The following PNMA8B variants were observed in gnomAD, a reference collection of about 807,000 sequenced individuals.
PNMA8B encodes the protein PNMA family member 8B.
For synonymous variants in PNMA8B, 386 were observed against 394.9 expected, an observed-to-expected ratio of 0.98 and a Z score of 0.27; for missense variants, 887 against 885.8, an observed-to-expected ratio of 1.00 and a Z score of -0.02.
chr19:46,494,255 T>A lies in PNMA8B; in HGVS notation c.1211A>T (p.Lys404Met). 1 of 1,609,818 alleles carries A rather than the reference T, an allele frequency of 6.2e-7. No homozygotes were observed. The highest frequency in any genetic ancestry group is 8.5e-7 in the Non-Finnish European group (1 of 1,179,592). ...GREVDAVVLRKAGDDGDLREC... is the reference protein window; with the variant it reads ...GREVDAVVLRMAGDDGDLREC... ...CCGGAGGTCCCCGTCATCCCCGGCC[T>A]TGCGCAGGACCACGGCGTCCACCTC... is the stretch of plus-strand genomic sequence containing the variant. The change falls in exon 1 of 1, where the codon AAG becomes ATG. Residue 404 changes from lysine (K) to methionine (M), a missense_variant. Lys to Met is a moderately conservative substitution (Grantham distance 95). Transcript: ENST00000599531.
At position 46,494,239 on chromosome 19, in the gene PNMA8B, C is replaced by T. The variant is rs540628798; in HGVS notation, c.1227G>A (p.Gly409=). 9.9e-5 allele frequency: 159 copies of T among 1,609,306 alleles called. 1 individual carries two copies. Among genetic ancestry groups the T allele is most frequent in the Admixed American group, 3.8e-4 (23 of 59,894 alleles). ...AGGTGGAAATGCACTCCCGGAGGTC[C>T]CCGTCATCCCCGGCCTTGCGCAGGA... is the stretch of plus-strand genomic sequence containing the variant. ...AVVLRKAGDD[G]DLRECISTLA... is the part of the protein sequence containing the mutation. Residue 409 remains glycine, a synonymous_variant, in exon 1 of 1, where the codon GGG becomes GGA. Transcript: ENST00000599531.
rs752053547 is a variant in PNMA8B at position 46,495,123 on chromosome 19, G to A, written c.343C>T (p.Pro115Ser). 6.2e-7 allele frequency: 1 copy of A among 1,613,724 alleles called. No homozygotes were observed. Among genetic ancestry groups the A allele is most frequent in the East Asian group, 2.2e-5 (1 of 44,866 alleles). Reference sequence around the variant, plus strand: ...GTCCCAGCCTCCGCGGCCTGCGTGGGCCCGTCATCCAGCAGCAGGCGTCTC... The same window carrying A: ...GTCCCAGCCTCCGCGGCCTGCGTGGACCCGTCATCCAGCAGCAGGCGTCTC... ...QMRRLLLDDG[P>S]TQAAEAGTPG... Residue 115 changes from proline (P) to serine (S), a missense_variant, in exon 1 of 1, where the codon CCC becomes TCC. Physicochemically the swap from Pro to Ser is moderately conservative, Grantham distance 74. Transcript: ENST00000599531.
At position 46,494,524 on chromosome 19, in the gene PNMA8B, G is replaced by A; in HGVS notation, c.942C>T (p.Ser314=). The change falls in exon 1 of 1, where the codon AGC becomes AGT. Residue 314 remains serine, a synonymous_variant. Transcript: ENST00000599531. ...EEPVDSDTSE[S]DSQESGDQET... ...CTTGGTCCCCACTTTCCTGCGAGTC[G>A]CTCTCCGAAGTGTCGCTGTCCACCG... 6.2e-7 allele frequency: 1 copy of A among 1,614,050 alleles called. No homozygotes were observed. Among genetic ancestry groups the A allele is most frequent in the Middle Eastern group, 1.6e-4 (1 of 6,062 alleles).
chr19:46,494,898 C>A lies in PNMA8B; in HGVS notation c.568G>T (p.Ala190Ser), dbSNP rs770895935. 2.1e-5 allele frequency: 34 copies of A among 1,611,898 alleles called. No homozygotes were observed. The highest frequency in any genetic ancestry group is 3.3e-5 in the South Asian group (3 of 91,092). Residue 190 changes from alanine (A) to serine (S), a missense_variant, in exon 1 of 1, where the codon GCG becomes TCG. Ala to Ser is a moderately conservative substitution (Grantham distance 99). Coordinates refer to ENST00000599531, the MANE Select transcript of PNMA8B (RefSeq NM_020709.3). ...RSRGGRPSAP[A>S]RSEAEDSSDE... ...GAAGAGTCCTCGGCCTCACTCCTCGCGGGAGCAGACGGCCGTCCTCCTCGG... is the reference window on the plus strand; with the variant it reads ...GAAGAGTCCTCGGCCTCACTCCTCGAGGGAGCAGACGGCCGTCCTCCTCGG...
At position 46,492,770 on chromosome 19, in the gene PNMA8B, A is replaced by G. The variant is rs1184744281; in HGVS notation, c.*788T>C. 6.6e-6 allele frequency: 1 copy of G among 152,480 alleles called. No individual in the cohort carries two copies. Among genetic ancestry groups the G allele is most frequent in the Admixed American group, 6.5e-5 (1 of 15,292 alleles). The allele number at this position is 152,480 out of a possible 1,614,324, so 9.4% of individuals were successfully genotyped here. ...ATTACCCCAAATTGAACACCTCTGC[A>G]AATAATTAGAATGTTGGGAAACACT... On this transcript the variant is annotated 3_prime_UTR_variant, in exon 1 of 1. Coordinates refer to ENST00000599531, the MANE Select transcript of PNMA8B (RefSeq NM_020709.3).
At position 46,491,874 on chromosome 19, in the gene PNMA8B, C is replaced by A. The variant is rs1485749661; in HGVS notation, c.*1684G>T. On this transcript the variant is annotated 3_prime_UTR_variant, in exon 1 of 1. Coordinates refer to ENST00000599531, the MANE Select transcript of PNMA8B (RefSeq NM_020709.3). ...GCTGAATTTCACTTTACTGGAGGAT[C>A]CAGGTGACACAGGGCACAGGGAGAG... 5.9e-6 allele frequency: 1 copy of A among 168,360 alleles called. No homozygotes were observed. Among genetic ancestry groups the A allele is most frequent in the African/African-American group, 2.4e-5 (1 of 41,790 alleles). The allele number at this position is 168,360 out of a possible 1,614,324, so 10.4% of individuals were successfully genotyped here.
At position 46,493,133 on chromosome 19, in the gene PNMA8B, G is replaced by A. The variant is rs1601502609; in HGVS notation, c.*425C>T. ...CCACCACAGACCCAGGGCCCAGTCA[G>A]ACTGGGGTAGGGGCGACAGCGGCCT... On this transcript the variant is annotated 3_prime_UTR_variant, in exon 1 of 1. Coordinates refer to ENST00000599531, the MANE Select transcript of PNMA8B (RefSeq NM_020709.3). This position sits in a 1 kb window ranked among gnomAD's most constrained non-coding sequence, Gnocchi z 5.3. 5 of 163,544 alleles carry A rather than the reference G, an allele frequency of 3.1e-5. No homozygotes were observed. The South Asian group carries it at 1.0e-3, about 33-fold the overall frequency. The allele number at this position is 163,544 out of a possible 1,614,324, so 10.1% of individuals were successfully genotyped here. A position where few individuals can be genotyped will look rare whatever the true frequency, so the allele number is the denominator to read the frequency against.
chr19:46,491,237 A>G lies in PNMA8B; in HGVS notation c.*2321T>C, dbSNP rs1430906413. On this transcript the variant is annotated 3_prime_UTR_variant, in exon 1 of 1. Transcript: ENST00000599531. ...TTAATCTTAATTACATTTAAATCCA[A>G]TTTACCCCGTGTGATTACCTAGTTG... The G allele has an allele frequency of 6.6e-6, 1 of 152,220 alleles. No homozygotes were observed. The highest frequency in any genetic ancestry group is 1.9e-4 in the East Asian group (1 of 5,202). The allele number at this position is 152,220 out of a possible 1,614,324, so 9.4% of individuals were successfully genotyped here.
Position 46,493,642 on chromosome 19 carries a change from G to GT in PNMA8B, c.1823_1824insA (p.Lys609GlnfsTer25). The stretch of plus-strand genomic sequence containing the variant: ...TGGATCCAGTGGGCGCCTGGCCCTT[G>GT]GCCTCGCCTGCCCTGGCATGGGCCC... On this transcript the variant is annotated frameshift_variant, in exon 1 of 1. Coordinates refer to ENST00000599531, the MANE Select transcript of PNMA8B (RefSeq NM_020709.3). LOFTEE classifies it low-confidence loss of function (END_TRUNC). This position sits in a 1 kb window ranked among gnomAD's most constrained non-coding sequence, Gnocchi z 5.3. The GT allele has an allele frequency of 6.5e-7, 1 of 1,534,650 alleles. No individual in the cohort carries two copies. Among genetic ancestry groups the GT allele is most frequent in the Non-Finnish European group, 8.7e-7 (1 of 1,150,518 alleles).
At position 46,492,183 on chromosome 19, in the gene PNMA8B, GC is replaced by G; in HGVS notation, c.*1374del. 1.2e-5 allele frequency: 5 copies of G among 422,814 alleles called. No individual in the cohort carries two copies. Among genetic ancestry groups the G allele is most frequent in the Non-Finnish European group, 2.4e-5 (5 of 207,934 alleles). The allele number at this position is 422,814 out of a possible 1,614,324, so 26.2% of individuals were successfully genotyped here. A position where few individuals can be genotyped will look rare whatever the true frequency, so the allele number is the denominator to read the frequency against. ...CCTTCCCAGGGACAAGTGGGGCAGG[GC>G]CCCCTGGCACGATGGGCTCCTCACT... On this transcript the variant is annotated 3_prime_UTR_variant, in exon 1 of 1. Coordinates refer to ENST00000599531, the MANE Select transcript of PNMA8B (RefSeq NM_020709.3).
In PNMA8B at chr19:46,493,794, G is replaced by T. The variant is rs1324930795; in HGVS notation, c.1672C>A (p.Arg558Ser). The T allele has an allele frequency of 2.2e-6, 3 of 1,364,356 alleles. No homozygotes were observed. Among genetic ancestry groups the T allele is most frequent in the East Asian group, 3.0e-5 (1 of 33,710 alleles). The allele number at this position is 1,364,356 out of a possible 1,614,324, so 84.5% of individuals were successfully genotyped here. Residue 558 changes from arginine to serine, a missense_variant, in exon 1 of 1, where the codon CGC becomes AGC. Coordinates refer to ENST00000599531, the MANE Select transcript of PNMA8B (RefSeq NM_020709.3). This position sits in a 1 kb window ranked among gnomAD's most constrained non-coding sequence, Gnocchi z 5.3. ...CCTCGGCCGCCCGCGCGGGTTTTGC[G>T]GGCCCCGGAAGCGGTGGGAGGCGCG... ...AGAPPTASGA[R>S]KTRAGGRGRG... is the part of the protein sequence containing the mutation.
rs377156204 is a variant in PNMA8B, at chr19:46,494,080, C to T, written c.1386G>A (p.Glu462=). Residue 462 remains glutamate (E), a synonymous_variant, in exon 1 of 1, where the codon GAG becomes GAA. Transcript: ENST00000599531. ...VALLAAQDMA[E]VMKEEKENAW... is the part of the protein sequence containing the mutation. ...CGTTTTCTTTTTCCTCCTTCATCACCTCCGCCATGTCCTGGGCAGCCAGGA... is the reference window on the plus strand; with the variant it reads ...CGTTTTCTTTTTCCTCCTTCATCACTTCCGCCATGTCCTGGGCAGCCAGGA... 179 of 1,613,232 alleles carry T rather than the reference C, an allele frequency of 1.1e-4. No individual in the cohort carries two copies. The highest frequency in any genetic ancestry group is 9.9e-4 in the Middle Eastern group (6 of 6,062).
Position 46,491,576 on chromosome 19 carries a change from T to C in PNMA8B, c.*1982A>G, listed in dbSNP as rs3745788. On this transcript the variant is annotated 3_prime_UTR_variant, in exon 1 of 1. Transcript: ENST00000599531. ...GGGGATTGGCTGGGCGGGGTCTCCA[T>C]GGGTGTCCAGGGGCTTCGGAGCTGA... The C allele has an allele frequency of 6.8e-6, 1 of 146,090 alleles. No homozygotes were observed. Among genetic ancestry groups the C allele is most frequent in the Non-Finnish European group, 1.5e-5 (1 of 66,772 alleles). The allele number at this position is 146,090 out of a possible 1,614,324, so 9.0% of individuals were successfully genotyped here.
rs745853509 is a variant in PNMA8B at position 46,495,779 on chromosome 19, G to T, written c.-314C>A. 3.5e-6 allele frequency: 1 copy of T among 287,302 alleles called. No individual in the cohort carries two copies. 17.8% of individuals were successfully genotyped at this position (287,302 alleles called of 1,614,324 possible). A position where few individuals can be genotyped will look rare whatever the true frequency, so the allele number is the denominator to read the frequency against. On this transcript the variant is annotated 5_prime_UTR_variant, in exon 1 of 1. Transcript: ENST00000599531. Reference sequence around the variant, plus strand: ...ACACAGGCCTGAGTGACTCGGCACCGCAGCCAGGTGCAGGGGGGCGGCGCC... The same window carrying T: ...ACACAGGCCTGAGTGACTCGGCACCTCAGCCAGGTGCAGGGGGGCGGCGCC...
Position 46,494,975 on chromosome 19 carries a change from C to T in PNMA8B, c.491G>A (p.Arg164His), listed in dbSNP as rs528202580. The T allele has an allele frequency of 2.6e-5, 42 of 1,608,780 alleles. No homozygotes were observed. In the East Asian group the frequency reaches 7.8e-4, roughly 30 times the overall value. Residue 164 changes from arginine (R) to histidine (H), a missense_variant, in exon 1 of 1, where the codon CGC becomes CAC. By Grantham distance (29) the Arg-to-His change is conservative (BLOSUM62 0). Coordinates refer to ENST00000599531, the MANE Select transcript of PNMA8B (RefSeq NM_020709.3). ...ARNPRRGRRG[R>H]RNRTRRNRLT... ...CCTGTTGCGTCTGGTTCTGTTTCTG[C>T]GACCCCGACGGCCCCTCCTTGGGTT...
In PNMA8B at chr19:46,493,935, A is replaced by G. The variant is rs373911812; in HGVS notation, c.1531T>C (p.Ser511Pro). ...EGSEEASDEQ[S>P]EEESEDTESE... is the part of the protein sequence containing the mutation. ...TCGGTGTCCTCCGACTCCTCCTCGG[A>G]CTGTTCGTCCGAAGCCTCCTCCGAC... Residue 511 changes from serine (S) to proline (P), a missense_variant, in exon 1 of 1, where the codon TCC becomes CCC. Ser to Pro is a moderately conservative substitution (Grantham distance 74). Coordinates refer to ENST00000599531, the MANE Select transcript of PNMA8B (RefSeq NM_020709.3). The surrounding 1 kb of genome is among the most constrained non-coding windows in gnomAD (Gnocchi z 5.3). The G allele has an allele frequency of 6.2e-7, 1 of 1,607,008 alleles. No homozygotes were observed. The highest frequency in any genetic ancestry group is 8.5e-7 in the Non-Finnish European group (1 of 1,177,316).
Position 46,493,424 on chromosome 19 carries a change from C to T in PNMA8B, c.*134G>A. 1 of 551,914 alleles carries T rather than the reference C, an allele frequency of 1.8e-6. No individual in the cohort carries two copies. The highest frequency in any genetic ancestry group is 2.7e-6 in the Non-Finnish European group (1 of 370,122). 34.2% of individuals were successfully genotyped at this position (551,914 alleles called of 1,614,324 possible). ...AGGGGAACGTGACGCTGGCAAAACG[C>T]GGCCCGGGCGCGCTGTGAAGCGAGG... On this transcript the variant is annotated 3_prime_UTR_variant, in exon 1 of 1. Transcript: ENST00000599531. This position sits in a 1 kb window ranked among gnomAD's most constrained non-coding sequence, Gnocchi z 5.3.
Position 46,492,104 on chromosome 19 carries a change from T to C in PNMA8B, c.*1454A>G, listed in dbSNP as rs1391479049. ...CTTCTACATCTGGGTGTCCCTGACA[T>C]AGGACTGGGACAGTCTGGTCTGGAC... is the stretch of plus-strand genomic sequence containing the variant. On this transcript the variant is annotated 3_prime_UTR_variant, in exon 1 of 1. Transcript: ENST00000599531. The C allele has an allele frequency of 5.0e-6, 2 of 401,750 alleles. No homozygotes were observed. Among genetic ancestry groups the C allele is most frequent in the Non-Finnish European group, 1.0e-5 (2 of 194,760 alleles). 24.9% of individuals were successfully genotyped at this position (401,750 alleles called of 1,614,324 possible). A position where few individuals can be genotyped will look rare whatever the true frequency, so the allele number is the denominator to read the frequency against.
Position 46,494,491 on chromosome 19 carries a change from C to T in PNMA8B, c.975G>A (p.Glu325=). 6.2e-7 allele frequency: 1 copy of T among 1,614,072 alleles called. No individual in the cohort carries two copies. The highest frequency in any genetic ancestry group is 8.5e-7 in the Non-Finnish European group (1 of 1,179,902). ...CCACGAACTCAGGATTATCCAACTC[C>T]TCTGTTTCTTGGTCCCCACTTTCCT... ...DSQESGDQET[E]ELDNPEFVAI... is the part of the protein sequence containing the mutation. Residue 325 remains glutamate, a synonymous_variant, in exon 1 of 1, where the codon GAG becomes GAA. Transcript: ENST00000599531.
Sources: gnomAD v4.1 joint callset for allele counts on GRCh38, gnomAD v4.1.1 for gene constraint, Gnocchi (gnomAD v3.1) non-coding constraint, MANE v1.5 for transcripts, NCBI Gene and HGNC (gene_info 2026-07-23, HGNC 2026-07-21) for gene names.